Variants in SLC25A39 observed in about 807,000 individuals in gnomAD.
SLC25A39 encodes mitochondrial glutathione transporter SLC25A39.
SLC25A39 carries 44 observed loss-of-function variants against 46.6 expected under a neutral mutation model. The observed-to-expected ratio is 0.94, with a 90% CI of 0.74 to 1.21. The LOEUF is 1.21. SLC25A39 is among the 50% of genes most tolerant of loss of function. The probability of loss-of-function intolerance (pLI) is 0.00; values close to 1 mark genes in which losing one functional copy is unlikely to be tolerated. For synonymous variants in SLC25A39, 218 were observed against 190.6 expected, an observed-to-expected ratio of 1.14 and a Z score of -1.19; for missense variants, 487 against 473.0, an observed-to-expected ratio of 1.03 and a Z score of -0.28.
chr17:44,323,445 A>ACCCCCCCCCC, intron 2 of SLC25A39, 33 bp downstream of exon 2: 3 of 333,744 alleles, frequency 9.0e-6, no homozygotes, highest in Non-Finnish European at 1.3e-5. Flanking sequence ...CCCCATCCCC[A>ACCCCCCCCCC]CCCGCCCCCA....
chr17:44,323,434 G>GGCCCCCCCCCCCCCCCCCCCCCCCC, intron 2 of SLC25A39, 44 bp downstream of exon 2: 1 of 1,367,928 alleles, frequency 7.3e-7, no homozygotes, highest in Non-Finnish European at 1.0e-6. Context: ...TCTCCGGTCT[G>GGCCCCCCCCCCCCCCCCCCCCCCCC]CCCCATCCCC....
intron 5 of SLC25A39, 23 bp from the exon 6 acceptor site, chr17:44,321,790 A>G (rs1444667757): frequency 1.2e-6 from 2 of 1,604,682 alleles, no homozygotes; most frequent in Admixed American, 3.4e-5. Flanking sequence ...GCACCAGCCC[A>G]GGGGAAGAGG....
chr17:44,320,234 C>A lies in SLC25A39; in HGVS notation c.926G>T (p.Arg309Met), dbSNP rs1478496795. The A allele has an allele frequency of 6.2e-7, 1 of 1,613,944 alleles. No homozygotes were observed. Among genetic ancestry groups the A allele is most frequent in the Non-Finnish European group, 8.5e-7 (1 of 1,180,024 alleles). The change falls in exon 11 of 12, where the codon AGG becomes ATG. Residue 309 changes from arginine to methionine, a missense_variant. By Grantham distance (91) the Arg-to-Met change is moderately conservative (BLOSUM62 -1). Transcript: ENST00000377095. ...HVDSTWLLLR[R>M]IRAESGTKGL... The stretch of plus-strand genomic sequence containing the variant: ...CTTGGTGCCCGACTCGGCCCGGATC[C>A]TCCGCAGCAGCAGCCAGGTGGAGTC...
chr17:44,319,754 T>A lies in SLC25A39; in HGVS notation c.*247A>T, dbSNP rs1567862305. 5 of 519,312 alleles carry A rather than the reference T, an allele frequency of 9.6e-6. 1 individual carries two copies. Among genetic ancestry groups the A allele is most frequent in the Non-Finnish European group, 1.7e-5 (5 of 286,308 alleles). The allele number at this position is 519,312 out of a possible 1,614,324, so 32.2% of individuals were successfully genotyped here. On this transcript the variant is annotated 3_prime_UTR_variant, in exon 12 of 12. Coordinates refer to ENST00000377095, the MANE Select transcript of SLC25A39 (RefSeq NM_001143780.3). Reference sequence around the variant, plus strand: ...CACAGGGAAACACGAAGGGGGCAGCTGGAAGATTTGGTCTTGAACTTGGGG... The same window carrying A: ...CACAGGGAAACACGAAGGGGGCAGCAGGAAGATTTGGTCTTGAACTTGGGG...
intron 3 of SLC25A39, 92 bp from the exon 4 acceptor site, chr17:44,322,944 A>G (rs2048100078): frequency 1.4e-6 from 2 of 1,400,804 alleles, no homozygotes; most frequent in South Asian, 2.5e-5. Context: ...ATTTTTTGAG[A>G]TGGAGTCTTG....
chr17:44,323,434 G>GGGCC, intron 2 of SLC25A39, 44 bp downstream of exon 2: 17 of 1,367,830 alleles, frequency 1.2e-5, no homozygotes, highest in Middle Eastern at 2.6e-4. Context: ...TCTCCGGTCT[G>GGGCC]CCCCATCCCC....
chr17:44,323,439 A>AAAGC, intron 2 of SLC25A39, 39 bp downstream of exon 2: 7 of 257,114 alleles, frequency 2.7e-5, no homozygotes, highest in Non-Finnish European at 3.4e-5. Context: ...GGTCTGCCCC[A>AAAGC]TCCCCACCCG....
intron 2 of SLC25A39, 33 bp downstream of exon 2, chr17:44,323,445 A>AAG: frequency 3.0e-6 from 1 of 333,788 alleles, no homozygotes; most frequent in Non-Finnish European, 4.3e-6. Flanking sequence ...CCCCATCCCC[A>AAG]CCCGCCCCCA....
At chr17:44,323,435 CCCCA>C in intron 2 of SLC25A39, 39 bp downstream of exon 2, 1 of 981,340 alleles carries the variant, frequency 1.0e-6, no homozygotes, top group Non-Finnish European at 1.5e-6. Flanking sequence ...CTCCGGTCTG[CCCCA>C]TCCCCACCCG....
At chr17:44,323,205 G>A in intron 3 of SLC25A39, 79 bp downstream of exon 3, 1 of 1,556,020 alleles carries the variant, frequency 6.4e-7, no homozygotes. Flanking sequence ...TTACAGGTAT[G>A]AGAAACCACG....
Position 44,323,591 on chromosome 17 carries a change from C to G in SLC25A39, c.-15-14G>C, listed in dbSNP as rs1455900563. The G allele has an allele frequency of 2.6e-5, 40 of 1,536,498 alleles. No individual in the cohort carries two copies. The highest frequency in any genetic ancestry group is 3.3e-5 in the Non-Finnish European group (37 of 1,134,496). On this transcript the variant is annotated splice_polypyrimidine_tract_variant and intron_variant, in intron 1 of 11. Coordinates refer to ENST00000377095, the MANE Select transcript of SLC25A39 (RefSeq NM_001143780.3). ...GAAGCTTCAGTCCTGAAAACCAAAC[C>G]TCAAACAGACCACAACTCCAGGGAT...
rs748101051 is a variant in SLC25A39, at chr17:44,320,631, G to A, written c.792C>T (p.Ile264=). ...AGCCCAGTCCACTCACCGTCCCTGAGATGCCACCAGCCACAAAGCTCATGC... is the reference window on the plus strand; with the variant it reads ...AGCCCAGTCCACTCACCGTCCCTGAAATGCCACCAGCCACAAAGCTCATGC... ...SVGMSFVAGG[I]SGTVAAVLTL... Residue 264 remains isoleucine, a synonymous_variant, in exon 9 of 12, where the codon ATC becomes ATT. Transcript: ENST00000377095. The A allele has an allele frequency of 6.2e-7, 1 of 1,613,918 alleles. No individual in the cohort carries two copies. The highest frequency in any genetic ancestry group is 2.2e-5 in the East Asian group (1 of 44,878).
rs528148193 is a variant in SLC25A39, at chr17:44,320,490, T to A, written c.802-54A>T. ...GCTCCACTTCCTGGACCCCCACCCC[T>A]ACCTCCCAGATGGCTCTTGCGGCTG... On this transcript the variant is annotated intron_variant, in intron 9 of 11. Coordinates refer to ENST00000377095, the MANE Select transcript of SLC25A39 (RefSeq NM_001143780.3). The A allele has an allele frequency of 5.0e-5, 80 of 1,603,360 alleles. No homozygotes were observed. The African/African-American group carries it at 9.2e-4, about 18-fold the overall frequency.
Position 44,321,175 on chromosome 17 carries a change from G to A in SLC25A39, c.574C>T (p.Gln192Ter), listed in dbSNP as rs1380502185. Residue 192 changes from glutamine (Q) to a stop codon, truncating the protein, a stop_gained, in exon 8 of 12, where the codon CAG (glutamine) becomes TAG (stop). Transcript: ENST00000377095. LOFTEE classifies it high-confidence loss of function. ...CCCAGCTCCCGGTACGACACATGCT[G>A]AGCCTGCAGCTTTGTCCGCATAAGC... Reference protein sequence around the residue: ...LELMRTKLQAQHVSYRELGAC... With the variant: ...LELMRTKLQA 1 of 1,613,156 alleles carries A rather than the reference G, an allele frequency of 6.2e-7. No homozygotes were observed. The highest frequency in any genetic ancestry group is 2.2e-5 in the East Asian group (1 of 44,876).
rs757890375 is a variant in SLC25A39, at chr17:44,320,238, G to A, written c.922C>T (p.Arg308Trp). Residue 308 changes from arginine (R) to tryptophan (W), a missense_variant, in exon 11 of 12, where the codon CGG becomes TGG. Arg to Trp is a moderately radical substitution (Grantham distance 101). Coordinates refer to ENST00000377095, the MANE Select transcript of SLC25A39 (RefSeq NM_001143780.3). The stretch of plus-strand genomic sequence containing the variant: ...GTGCCCGACTCGGCCCGGATCCTCC[G>A]CAGCAGCAGCCAGGTGGAGTCCACA... Reference protein sequence around the residue: ...LHVDSTWLLLRRIRAESGTKG... With the variant: ...LHVDSTWLLLWRIRAESGTKG... 18 of 1,613,672 alleles carry A rather than the reference G, an allele frequency of 1.1e-5. No individual in the cohort carries two copies. Among genetic ancestry groups the A allele is most frequent in the East Asian group, 6.7e-5 (3 of 44,894 alleles).
At position 44,321,152 on chromosome 17, in the gene SLC25A39, C is replaced by G. The variant is rs769300185; in HGVS notation, c.597G>C (p.Leu199=). The change falls in exon 8 of 12, where the codon CTG becomes CTC. Residue 199 remains leucine (L), a synonymous_variant. Transcript: ENST00000377095. The part of the protein sequence containing the change: ...LQAQHVSYRE[L]GACVRTAVAQ... ...CCACTGCAGTTCGAACACAGGCACC[C>G]AGCTCCCGGTACGACACATGCTGAG... 1.9e-6 allele frequency: 3 copies of G among 1,613,140 alleles called. No individual in the cohort carries two copies. Among genetic ancestry groups the G allele is most frequent in the Non-Finnish European group, 2.5e-6 (3 of 1,179,982 alleles).
intron 8 of SLC25A39, 43 bp downstream of exon 8, chr17:44,321,015 C>G: frequency 6.5e-7 from 1 of 1,544,412 alleles, no homozygotes. Flanking sequence ...TTGTGCATCA[C>G]CCCAGGGTTC....
chr17:44,323,678 C>G, intron 1 of SLC25A39, 101 bp from the exon 2 acceptor site: 1 of 792,986 alleles, frequency 1.3e-6, no homozygotes, highest in South Asian at 1.7e-5. Context: ...TCGCTCTGCG[C>G]ACTGTTGCCA....
rs1231600136 is a variant in SLC25A39, at chr17:44,320,733, T to A, written c.692-2A>T. The A allele has an allele frequency of 6.2e-7, 1 of 1,611,506 alleles. No homozygotes were observed. Among genetic ancestry groups the A allele is most frequent in the South Asian group, 1.1e-5 (1 of 91,010 alleles). On this transcript the variant is annotated splice_acceptor_variant, in intron 8 of 11. Coordinates refer to ENST00000377095, the MANE Select transcript of SLC25A39 (RefSeq NM_001143780.3). LOFTEE classifies it high-confidence loss of function. The stretch of plus-strand genomic sequence containing the variant: ...GCTCATAGTTGAACCAGTACAGGGC[T>A]TGGGGTGGGGGATGCACTGATTAGA...
Sources: allele counts gnomAD v4.1 joint callset, GRCh38; gene constraint gnomAD v4.1.1; transcripts MANE v1.5; gene names NCBI Gene and HGNC (gene_info 2026-07-23, HGNC 2026-07-21).